The following RPRD1B variants were observed in gnomAD, a reference collection of about 807,000 sequenced individuals.
The protein encoded by RPRD1B is regulation of nuclear pre-mRNA domain-containing protein 1B.
Under a neutral mutation model 41.5 loss-of-function variants are expected in RPRD1B, and 11 were observed. The ratio of observed to expected loss-of-function variants is 0.27; its 90% CI spans 0.17 to 0.44. The LOEUF is 0.44. Among genes scored for constraint, RPRD1B ranks in the 20% least tolerant of loss-of-function variants. The pLI, the probability that RPRD1B is intolerant of heterozygous loss-of-function variation, is 1.00. For synonymous variants in RPRD1B, 158 were observed against 155.6 expected (o/e 1.02, Z -0.12); for missense variants, 248 against 389.9 (o/e 0.64, Z 3.06).
Position 38,090,267 on chromosome 20 carries a change from C to G in RPRD1B, c.*392C>G. On this transcript the variant is annotated 3_prime_UTR_variant, in exon 7 of 7. Coordinates refer to ENST00000373433, the MANE Select transcript of RPRD1B (RefSeq NM_021215.4). ...TTATCATGAAAGCAGCTTCTCCTTT[C>G]TGGGCTGGGCTTGTTCAAGTTCGGT... 1 of 990,090 alleles carries G rather than the reference C, an allele frequency of 1.0e-6. No homozygotes were observed. Among genetic ancestry groups the G allele is most frequent in the Non-Finnish European group, 1.2e-6 (1 of 832,596 alleles). The allele number at this position is 990,090 out of a possible 1,614,324, so 61.3% of individuals were successfully genotyped here. A position where few individuals can be genotyped will look rare whatever the true frequency, so the allele number is the denominator to read the frequency against.
chr20:38,059,384 C>A lies in RPRD1B; in HGVS notation c.529-10C>A. Reference sequence around the variant, plus strand: ...TAATGGGTAGTGTTGTTTGTGTTTTCATCTTACAGACTGAGGAACTAATCA... The same window carrying A: ...TAATGGGTAGTGTTGTTTGTGTTTTAATCTTACAGACTGAGGAACTAATCA... On this transcript the variant is annotated splice_polypyrimidine_tract_variant and intron_variant, in intron 4 of 6. Transcript: ENST00000373433. The A allele has an allele frequency of 6.2e-7, 1 of 1,607,260 alleles. No homozygotes were observed. The highest frequency in any genetic ancestry group is 1.1e-5 in the South Asian group (1 of 90,332).
chr20:38,039,789 A>G (rs188082336), intron 1 of RPRD1B, among the ~76,000 whole-genome samples: 126 of 149,500 alleles, frequency 8.4e-4, no homozygotes, highest in Admixed American at 1.4e-3. Flanking sequence ...GCTGGAGTAC[A>G]GTAGTGCAAT....
intron 6 of RPRD1B, among the ~76,000 whole-genome samples, chr20:38,077,930 C>A (rs1040940715): frequency 6.6e-6 from 1 of 152,148 alleles, no homozygotes; most frequent in Non-Finnish European, 1.5e-5. Flanking sequence ...AATCCCAGCA[C>A]TTTGGGAGGC....
chr20:38,076,469 C>G (rs2074460192), intron 6 of RPRD1B, among the ~76,000 whole-genome samples: 1 of 152,206 alleles, frequency 6.6e-6, no homozygotes, highest in Admixed American at 6.5e-5. Flanking sequence ...CAGCATGTAG[C>G]ATGCTTTGTC....
At chr20:38,087,045 C>G (rs1370634488) in intron 6 of RPRD1B, among the ~76,000 whole-genome samples, 6 of 152,010 alleles carry the variant, frequency 3.9e-5, no homozygotes, top group Non-Finnish European at 7.4e-5. Flanking sequence ...CAACCTCTGC[C>G]CCGCCGGGTT....
chr20:38,034,358 C>T (rs1019042390), intron 1 of RPRD1B, among the ~76,000 whole-genome samples: 16 of 152,178 alleles, frequency 1.1e-4, no homozygotes, highest in African/African-American at 3.9e-4. Context: ...CCTTCAGTTT[C>T]CCCCTGACAT....
At position 38,051,360 on chromosome 20, in the gene RPRD1B, G is replaced by A. The variant is rs181328983; in HGVS notation, c.415+2879G>A. On this transcript the variant is annotated intron_variant, in intron 3 of 6. Transcript: ENST00000373433. Reference sequence around the variant, plus strand: ...GCCACATGTGACTCATGTAGTATACGGTTGTAGAAGGATTTAGAGAGAGAG... The same window carrying A: ...GCCACATGTGACTCATGTAGTATACAGTTGTAGAAGGATTTAGAGAGAGAG... 3.9e-5 allele frequency among the ~76,000 whole-genome samples: 6 copies of A among 152,278 alleles called. No homozygotes were observed. The East Asian group carries it at 5.8e-4, about 15-fold the overall frequency.
At chr20:38,038,645 C>T (rs575108607) in intron 1 of RPRD1B, among the ~76,000 whole-genome samples, 3 of 151,376 alleles carry the variant, frequency 2.0e-5, no homozygotes, top group Non-Finnish European at 4.4e-5. Context: ...TACAGGCGCC[C>T]GCCACCACGC....
intron 1 of RPRD1B, among the ~76,000 whole-genome samples, chr20:38,036,273 C>G: frequency 6.6e-6 from 1 of 152,142 alleles, no homozygotes; most frequent in East Asian, 1.9e-4. Context: ...AGTGCCTTGT[C>G]CACAGACATA....
intron 5 of RPRD1B, among the ~76,000 whole-genome samples, chr20:38,064,068 C>A (rs896982005): frequency 6.6e-6 from 1 of 152,144 alleles, no homozygotes; most frequent in Non-Finnish European, 1.5e-5. Context: ...CAAGCAATAA[C>A]AAAACTAAAA....
At chr20:38,053,176 T>G (rs897774725) in intron 3 of RPRD1B, among the ~76,000 whole-genome samples, 1 of 152,186 alleles carries the variant, frequency 6.6e-6, no homozygotes, top group African/African-American at 2.4e-5. Flanking sequence ...GTGGAAGGCT[T>G]ACCTTAAATT....
intron 6 of RPRD1B, among the ~76,000 whole-genome samples, chr20:38,076,724 C>T (rs1476904287): frequency 1.4e-5 from 2 of 143,656 alleles, no homozygotes; most frequent in Non-Finnish European, 3.0e-5. Flanking sequence ...TGCCTCTTGG[C>T]TCCCTTTCTC....
intron 6 of RPRD1B, among the ~76,000 whole-genome samples, chr20:38,073,488 T>C (rs1214169846): frequency 1.3e-5 from 2 of 152,208 alleles, no homozygotes; most frequent in African/African-American, 4.8e-5. Context: ...CTCTTCATAT[T>C]TCTGTTTGAT....
intron 1 of RPRD1B, among the ~76,000 whole-genome samples, chr20:38,035,773 T>C (rs556451479): frequency 6.6e-6 from 1 of 151,954 alleles, no homozygotes. Context: ...TTTTTGTTTT[T>C]TTTTTTTTGA....
At chr20:38,088,226 C>T (rs1015896970) in intron 6 of RPRD1B, among the ~76,000 whole-genome samples, 1 of 152,198 alleles carries the variant, frequency 6.6e-6, no homozygotes, top group Non-Finnish European at 1.5e-5. Context: ...ACAACTTGAA[C>T]TAAGTATTCT....
At chr20:38,047,479 T>C (rs2074132592) in intron 2 of RPRD1B, among the ~76,000 whole-genome samples, 1 of 152,116 alleles carries the variant, frequency 6.6e-6, no homozygotes, top group Non-Finnish European at 1.5e-5. Context: ...GTATCCCTTC[T>C]TGTTTAAAGT....
In RPRD1B at chr20:38,091,757, C is replaced by T. The variant is rs1213187382; in HGVS notation, c.*1882C>T. 1.2e-5 allele frequency: 12 copies of T among 985,560 alleles called. No individual in the cohort carries two copies. The highest frequency in any genetic ancestry group is 1.4e-5 in the Non-Finnish European group (12 of 829,900). 61.1% of individuals were successfully genotyped at this position (985,560 alleles called of 1,614,324 possible). A position where few individuals can be genotyped will look rare whatever the true frequency, so the allele number is the denominator to read the frequency against. ...AGCCACAATCCAGCCAAAAGAGGAT[C>T]GTAGATATTTGCTCTGATCAACTAG... On this transcript the variant is annotated 3_prime_UTR_variant, in exon 7 of 7. Transcript: ENST00000373433.
intron 1 of RPRD1B, among the ~76,000 whole-genome samples, chr20:38,034,408 T>G (rs189538651): frequency 6.6e-6 from 1 of 152,346 alleles, no homozygotes; most frequent in South Asian, 2.1e-4. Context: ...ACTGCCGTAC[T>G]GGCCCTAGCA....
At chr20:38,086,839 T>A (rs1192054067) in intron 6 of RPRD1B, among the ~76,000 whole-genome samples, 2 of 152,172 alleles carry the variant, frequency 1.3e-5, no homozygotes, top group African/African-American at 4.8e-5. Flanking sequence ...GTTAAATGAG[T>A]TTCTTCGGTA....
Sources: gnomAD v4.1 joint callset for allele counts (sites outside exome capture counted in the v4.1 genomes callset) on GRCh38, gnomAD v4.1.1 for gene constraint, MANE v1.5 for transcripts, NCBI Gene and HGNC (gene_info 2026-07-23, HGNC 2026-07-21) for gene names.